Variants in ACOT1 observed in about 807,000 individuals in gnomAD.
ACOT1 encodes acyl-CoA thioesterase 1.
A neutral mutation model predicts 15.7 loss-of-function variants in ACOT1; 8 were observed. The observed-to-expected ratio is 0.51, with a 90% CI of 0.30 to 0.92. The LOEUF is 0.92. Ranked by LOEUF, ACOT1 falls within the 40% of genes least tolerant of loss-of-function variation. The probability of loss-of-function intolerance (pLI) is 0.06; values close to 1 mark genes in which losing one functional copy is unlikely to be tolerated. For missense variants in ACOT1, 151 were observed against 539.4 expected (o/e 0.28, Z 7.13); for synonymous variants, 67 against 241.2 (o/e 0.28, Z 6.69).
At chr14:73,492,638 CA>C in the ACOT1 span, 11 of 1,613,842 alleles carry the variant, frequency 6.8e-6, no homozygotes, top group African/African-American at 2.7e-5. This position sits in a 1 kb window ranked among gnomAD's most constrained non-coding sequence, Gnocchi z 4.9. Flanking sequence ...CGTGGGGGCC[CA>C]GTTGACAACA....
At chr14:73,537,038 C>A, upstream of ACOT1, 1 of 153,672 alleles carries the variant, frequency 6.5e-6, no homozygotes, top group Non-Finnish European at 1.2e-5. Context: ...GGCTGTAGTG[C>A]AGTGGCATGA....
the ACOT1 span, chr14:73,490,969 T>C: frequency 7.6e-7 from 1 of 1,310,674 alleles, no homozygotes; most frequent in Non-Finnish European, 9.8e-7. Flanking sequence ...GGAACCGCTT[T>C]AGCTTCGCCC....
the ACOT1 span, among the ~76,000 whole-genome samples, chr14:73,511,169 A>G: frequency 6.6e-6 from 1 of 152,130 alleles, no homozygotes; most frequent in Non-Finnish European, 1.5e-5. Context: ...TGAAGCTCAG[A>G]GAGGTTAGCT....
the ACOT1 span, chr14:73,509,560 A>G: frequency 2.2e-5 from 30 of 1,371,020 alleles, no homozygotes; most frequent in Admixed American, 5.2e-4. Context: ...GTGGTGGCCA[A>G]CCTCAGTCCC....
the ACOT1 span, among the ~76,000 whole-genome samples, chr14:73,516,747 T>C: frequency 6.6e-6 from 1 of 152,176 alleles, no homozygotes; most frequent in Non-Finnish European, 1.5e-5. Context: ...CTCTGCCTCC[T>C]GTCAGATCAG....
At chr14:73,521,050 G>A in the ACOT1 span, 1 of 1,610,732 alleles carries the variant, frequency 6.2e-7, no homozygotes, top group Non-Finnish European at 8.5e-7. Context: ...CTTGGCAGGG[G>A]TGAGAAAGGA....
At chr14:73,491,792 G>T in the ACOT1 span, 1 of 1,588,596 alleles carries the variant, frequency 6.3e-7, no homozygotes, top group Non-Finnish European at 8.6e-7. Context: ...GGTGCAGTTC[G>T]GCCAGCATTT....
chr14:73,532,676 C>T (rs1199771280), upstream of ACOT1, among the ~76,000 whole-genome samples: 7 of 115,182 alleles, frequency 6.1e-5, 3 homozygotes, highest in Non-Finnish European at 5.7e-5. Context: ...AAGACTAGGC[C>T]GGGTGCAGTG....
the ACOT1 span, among the ~76,000 whole-genome samples, chr14:73,525,037 G>A: frequency 5.9e-5 from 9 of 151,528 alleles, no homozygotes; most frequent in Non-Finnish European, 1.2e-4. Context: ...CTTTTGTTTT[G>A]TTTTTTTGAG....
chr14:73,524,214 C>G, the ACOT1 span, among the ~76,000 whole-genome samples: 1 of 147,530 alleles, frequency 6.8e-6, no homozygotes, highest in Non-Finnish European at 1.5e-5. Flanking sequence ...ATTGCTTGAA[C>G]CCAGGGTGGG....
chr14:73,511,910 A>G, the ACOT1 span: 1 of 1,480,954 alleles, frequency 6.8e-7, no homozygotes, highest in Non-Finnish European at 9.3e-7. Context: ...ACATTTGTAA[A>G]ATGATCTCAG....
chr14:73,492,904 G>A, the ACOT1 span: 1 of 1,613,836 alleles, frequency 6.2e-7, no homozygotes, highest in Middle Eastern at 1.6e-4. The surrounding 1 kb of genome is among the most constrained non-coding windows in gnomAD (Gnocchi z 4.9). Flanking sequence ...TGTATGATAA[G>A]GGGCTGCTGC....
the ACOT1 span, among the ~76,000 whole-genome samples, chr14:73,494,109 G>A: frequency 6.6e-6 from 1 of 152,164 alleles, no homozygotes; most frequent in African/African-American, 2.4e-5. Context: ...ATGAAGGAAG[G>A]CTACTGTTCA....
chr14:73,509,520 T>C, the ACOT1 span: 41 of 1,598,118 alleles, frequency 2.6e-5, no homozygotes, highest in Non-Finnish European at 3.3e-5. Context: ...CCTTTGCTTT[T>C]CTCACACACA....
At chr14:73,497,338 C>T in the ACOT1 span, among the ~76,000 whole-genome samples, 1 of 152,160 alleles carries the variant, frequency 6.6e-6, no homozygotes, top group African/African-American at 2.4e-5. Flanking sequence ...CCTCATCTGG[C>T]CAAGACAATA....
the ACOT1 span, among the ~76,000 whole-genome samples, chr14:73,517,792 G>T: frequency 6.6e-6 from 1 of 151,502 alleles, no homozygotes; most frequent in East Asian, 2.0e-4. Context: ...AGGGAGGAAG[G>T]AGAAAAGAAA....
At chr14:73,508,209 G>T in the ACOT1 span, 1 of 1,613,942 alleles carries the variant, frequency 6.2e-7, no homozygotes. Flanking sequence ...TAAACAGCTG[G>T]TGGAGGATCC....
chr14:73,509,260 G>C, the ACOT1 span: 1 of 1,537,012 alleles, frequency 6.5e-7, no homozygotes, highest in Non-Finnish European at 9.0e-7. Flanking sequence ...AAAGCTGATA[G>C]TGAGATGTCT....
Position 73,543,302 on chromosome 14 carries a change from C to T in ACOT1, c.913C>T (p.Gln305Ter). ...VLNSPLEGPD[Q>*]KSFIPVERAE... Reference sequence around the variant, plus strand: ...GAACAGCCCTTTGGAAGGACCTGACCAGAAGAGCTTCATTCCTGTGGAAAG... The same window carrying T: ...GAACAGCCCTTTGGAAGGACCTGACTAGAAGAGCTTCATTCCTGTGGAAAG... The change falls in exon 3 of 3, where the codon CAG becomes TAG. Residue 305 changes from glutamine to a stop codon, truncating the protein, a stop_gained. Transcript: ENST00000311148. LOFTEE classifies it low-confidence loss of function (END_TRUNC). 3 of 1,571,692 alleles carry T rather than the reference C, an allele frequency of 1.9e-6. No homozygotes were observed. The highest frequency in any genetic ancestry group is 2.6e-6 in the Non-Finnish European group (3 of 1,155,812).
Sources: gnomAD v4.1 joint callset for allele counts (sites outside exome capture counted in the v4.1 genomes callset) on GRCh38, gnomAD v4.1.1 for gene constraint, Gnocchi (gnomAD v3.1) non-coding constraint, MANE v1.5 for transcripts, NCBI Gene and HGNC (gene_info 2026-07-23, HGNC 2026-07-21) for gene names.